NALF1: variants seen among roughly 807,000 people sequenced by gnomAD.
NALF1 encodes the protein NALCN channel auxiliary factor 1, also known as family with sequence similarity 155 member A.
A neutral mutation model predicts 48.4 loss-of-function variants in NALF1; 3 were observed. The observed-to-expected ratio is 0.06, with a 90% confidence interval of 0.03 to 0.16. NALF1 has a LOEUF of 0.16. NALF1 is among the 10% of genes least tolerant of loss of function. NALF1 has a pLI of 1.00. For synonymous variants in NALF1, 262 were observed against 245.7 expected (o/e 1.07, Z -0.62); for missense variants, 526 against 571.5 (o/e 0.92, Z 0.81).
In NALF1 at chr13:107,178,320, T is replaced by G. The variant is rs1434668032; in HGVS notation, c.1088-7534A>C. ...GAATACTCATTTGGAAAGGGCTTAA[T>G]AAGCAGAATACATAAGGGGCTGAAA... On this transcript the variant is annotated intron_variant, in intron 2 of 2. Transcript: ENST00000375915. Among the ~76,000 whole-genome samples the G allele has an allele frequency of 1.3e-5, 2 of 152,218 alleles. 1 individual carries two copies. The highest frequency in any genetic ancestry group is 2.9e-5 in the Non-Finnish European group (2 of 68,036).
intron 1 of NALF1, among the ~76,000 whole-genome samples, chr13:107,374,688 G>T (rs1360189921): frequency 1.3e-5 from 2 of 152,126 alleles, no homozygotes; most frequent in Non-Finnish European, 2.9e-5. Context: ...TGGGAGGCGG[G>T]TTGTAATGGC....
chr13:107,861,397 CATG>C (rs77757567), intron 1 of NALF1, among the ~76,000 whole-genome samples: 8,017 of 152,192 alleles, frequency 0.053, 328 homozygotes, highest in East Asian at 0.15. Context: ...TGAACAGTGA[CATG>C]ATATTACAAT....
intron 1 of NALF1, among the ~76,000 whole-genome samples, chr13:107,717,311 C>T (rs536492969): frequency 2.6e-5 from 4 of 152,316 alleles, no homozygotes; most frequent in African/African-American, 7.2e-5. Context: ...GTGCCCCAAT[C>T]GGCAGCATGA....
At position 107,769,904 on chromosome 13, in the gene NALF1, C is replaced by CTTTGT. The variant is rs142279201; in HGVS notation, c.915+95773_915+95777dup. Among the ~76,000 whole-genome samples, 517 of 151,544 alleles carry CTTTGT rather than the reference C, an allele frequency of 3.4e-3. 4 individuals carry two copies. Among genetic ancestry groups the CTTTGT allele is most frequent in the Admixed American group, 4.5e-3 (69 of 15,226 alleles). On this transcript the variant is annotated intron_variant, in intron 1 of 2. Coordinates refer to ENST00000375915, the MANE Select transcript of NALF1 (RefSeq NM_001080396.3). ...AAACTTCAAAATTCAATTTTTTTTG[C>CTTTGT]TTTGTTTTGTTTTGTTTTGTTTTGT...
At chr13:107,555,096 C>T (rs181746396) in intron 1 of NALF1, among the ~76,000 whole-genome samples, 174 of 152,124 alleles carry the variant, frequency 1.1e-3, no homozygotes, top group African/African-American at 3.8e-3. Flanking sequence ...CTTAAATTGG[C>T]AGCAAACAAA....
At chr13:107,680,849 AGTAT>A (rs763935715) in intron 1 of NALF1, among the ~76,000 whole-genome samples, 1 of 139,848 alleles carries the variant, frequency 7.2e-6, no homozygotes, top group Non-Finnish European at 1.6e-5. Context: ...AGAGTGTAAG[AGTAT>A]GTGAGTGTGC....
chr13:107,484,256 A>G (rs1885294777), intron 1 of NALF1, among the ~76,000 whole-genome samples: 1 of 152,126 alleles, frequency 6.6e-6, no homozygotes, highest in Non-Finnish European at 1.5e-5. Flanking sequence ...TTTTTCCTGC[A>G]TATTCTGTAT....
At chr13:107,314,757 AC>A (rs1882112309) in intron 1 of NALF1, among the ~76,000 whole-genome samples, 2 of 152,148 alleles carry the variant, frequency 1.3e-5, no homozygotes, top group South Asian at 4.1e-4. Flanking sequence ...CCTGGAAGGA[AC>A]CCTGTTTATT....
intron 1 of NALF1, among the ~76,000 whole-genome samples, chr13:107,292,650 C>T (rs1169432786): frequency 1.3e-5 from 2 of 152,298 alleles, no homozygotes; most frequent in East Asian, 1.9e-4. Context: ...GAGCTGTCCT[C>T]TCCTGTAACA....
rs140965763 is a variant in NALF1 at position 107,809,835 on chromosome 13, C to T, written c.915+55847G>A. Reference sequence around the variant, plus strand: ...ACGTCCACCAGATTTCTCAATCACACCTCACCTTTTTCTTTTATCCTCATT... The same window carrying T: ...ACGTCCACCAGATTTCTCAATCACATCTCACCTTTTTCTTTTATCCTCATT... On this transcript the variant is annotated intron_variant, in intron 1 of 2. Coordinates refer to ENST00000375915, the MANE Select transcript of NALF1 (RefSeq NM_001080396.3). Among the ~76,000 whole-genome samples, 246 of 152,128 alleles carry T rather than the reference C, an allele frequency of 1.6e-3. 1 individual carries two copies. In the Middle Eastern group the frequency reaches 0.02, roughly 13 times the overall value.
chr13:107,364,693 T>A (rs1883120658), intron 1 of NALF1, among the ~76,000 whole-genome samples: 1 of 152,088 alleles, frequency 6.6e-6, no homozygotes, highest in South Asian at 2.1e-4. Flanking sequence ...GGAGTCAAAA[T>A]TTCCCTACAA....
chr13:107,473,074 A>G (rs1025111222), intron 1 of NALF1, among the ~76,000 whole-genome samples: 3 of 152,142 alleles, frequency 2.0e-5, no homozygotes, highest in African/African-American at 7.2e-5. Flanking sequence ...TTCCTCAAGG[A>G]TCAGTTCGAA....
intron 1 of NALF1, among the ~76,000 whole-genome samples, chr13:107,562,696 G>A (rs1332699697): frequency 5.9e-5 from 9 of 152,130 alleles, no homozygotes; most frequent in African/African-American, 1.9e-4. Flanking sequence ...AAGACCATAC[G>A]AACTCATTCT....
At chr13:107,330,187 T>C (rs1882442501) in intron 1 of NALF1, among the ~76,000 whole-genome samples, 1 of 152,102 alleles carries the variant, frequency 6.6e-6, no homozygotes, top group Non-Finnish European at 1.5e-5. Context: ...CTGGAACACT[T>C]GTGGTATAAA....
intron 1 of NALF1, among the ~76,000 whole-genome samples, chr13:107,483,691 G>A (rs939676931): frequency 7.9e-5 from 12 of 152,086 alleles, no homozygotes; most frequent in African/African-American, 2.9e-4. Flanking sequence ...GATTTACAGA[G>A]AGAGGAATCA....
At chr13:107,728,879 G>A (rs973060359) in intron 1 of NALF1, among the ~76,000 whole-genome samples, 3 of 152,072 alleles carry the variant, frequency 2.0e-5, no homozygotes, top group Non-Finnish European at 4.4e-5. Flanking sequence ...TAGCCAATAG[G>A]TCAAAAAGAC....
intron 1 of NALF1, among the ~76,000 whole-genome samples, chr13:107,831,004 G>A (rs1879706175): frequency 6.6e-6 from 1 of 152,226 alleles, no homozygotes; most frequent in Non-Finnish European, 1.5e-5. Context: ...CACTCTGGCT[G>A]TGCGGATTAA....
At chr13:107,638,684 A>G (rs1880059257) in intron 1 of NALF1, among the ~76,000 whole-genome samples, 1 of 152,210 alleles carries the variant, frequency 6.6e-6, no homozygotes, top group Non-Finnish European at 1.5e-5. Flanking sequence ...TTTCTACAGT[A>G]GAGTCAGGAA....
chr13:107,787,041 A>G (rs1379434491), intron 1 of NALF1, among the ~76,000 whole-genome samples: 3 of 152,326 alleles, frequency 2.0e-5, no homozygotes, highest in Non-Finnish European at 4.4e-5. Flanking sequence ...TTATATAATC[A>G]TTTCATGCTA....
Sources: gnomAD v4.1 joint callset for allele counts (sites outside exome capture counted in the v4.1 genomes callset) on GRCh38, gnomAD v4.1.1 for gene constraint, MANE v1.5 for transcripts, NCBI Gene and HGNC (gene_info 2026-07-23, HGNC 2026-07-21) for gene names.